BACH2: variants seen among roughly 807,000 people sequenced by gnomAD.
The protein encoded by BACH2 is BACH transcriptional regulator 2, also known as transcription regulator protein BACH2.
In BACH2, 5 loss-of-function variants were observed where a neutral mutation model predicts 61.8. That is an observed-to-expected ratio of 0.08 (90% CI 0.04 to 0.17). BACH2 has a LOEUF of 0.17. BACH2 is among the 10% of genes least tolerant of loss of function. The probability of loss-of-function intolerance (pLI) is 1.00; values close to 1 mark genes in which losing one functional copy is unlikely to be tolerated. For missense variants in BACH2, 824 were observed against 1,091.1 expected, an observed-to-expected ratio of 0.76 and a Z score of 3.45; for synonymous variants, 446 against 440.1, an observed-to-expected ratio of 1.01 and a Z score of -0.17.
At chr6:90,059,286 C>G (rs1476923030) in intron 5 of BACH2, among the ~76,000 whole-genome samples, 2 of 152,188 alleles carry the variant, frequency 1.3e-5, no homozygotes, top group East Asian at 3.8e-4. Flanking sequence ...AAGAAAAAAA[C>G]AAACAACCCC....
chr6:90,029,052 T>C (rs1410175378), intron 5 of BACH2, among the ~76,000 whole-genome samples: 2 of 152,246 alleles, frequency 1.3e-5, no homozygotes, highest in Admixed American at 6.5e-5. Context: ...AGTTTGACAA[T>C]GGCTTGCCTT....
At chr6:90,179,453 A>G (rs1319983984) in intron 4 of BACH2, among the ~76,000 whole-genome samples, 1 of 152,164 alleles carries the variant, frequency 6.6e-6, no homozygotes, top group Admixed American at 6.5e-5. Flanking sequence ...TCTTAACTTG[A>G]TGGATTTGGA....
intron 4 of BACH2, among the ~76,000 whole-genome samples, chr6:90,202,109 C>T (rs1437716985): frequency 1.3e-5 from 2 of 152,174 alleles, no homozygotes; most frequent in Non-Finnish European, 2.9e-5. Context: ...AATACCTTTG[C>T]TACGTTCATA....
At chr6:90,255,131 C>T (rs1770936309) in intron 2 of BACH2, among the ~76,000 whole-genome samples, 1 of 152,142 alleles carries the variant, frequency 6.6e-6, no homozygotes, top group Non-Finnish European at 1.5e-5. Flanking sequence ...TCGGTACAGG[C>T]CTTTCTCCCC....
Position 90,139,901 on chromosome 6 carries a change from C to A in BACH2, c.-161-50792G>T, listed in dbSNP as rs1784408039. ...GTTAAGCCAGACTCCAGCTAATAGACACCCTCCCCAAATCAGGGCTTAAAT... is the reference window on the plus strand; with the variant it reads ...GTTAAGCCAGACTCCAGCTAATAGAAACCCTCCCCAAATCAGGGCTTAAAT... On this transcript the variant is annotated intron_variant, in intron 4 of 8. Coordinates refer to ENST00000257749, the MANE Select transcript of BACH2 (RefSeq NM_021813.4). 2.0e-5 allele frequency among the ~76,000 whole-genome samples: 3 copies of A among 152,318 alleles called. No homozygotes were observed. In the South Asian group the frequency reaches 6.2e-4, roughly 32 times the overall value.
At chr6:90,015,079 G>A (rs1245510684) in intron 5 of BACH2, among the ~76,000 whole-genome samples, 2 of 151,900 alleles carry the variant, frequency 1.3e-5, no homozygotes, top group African/African-American at 4.8e-5. Context: ...ACCACACCCA[G>A]CCCATATATA....
chr6:90,051,643 A>C (rs980090173), intron 5 of BACH2, among the ~76,000 whole-genome samples: 1 of 152,166 alleles, frequency 6.6e-6, no homozygotes, highest in Non-Finnish European at 1.5e-5. Context: ...CATAGTATTT[A>C]CAATTTCAAT....
chr6:90,001,925 C>T (rs143424359), intron 6 of BACH2, among the ~76,000 whole-genome samples: 1 of 152,324 alleles, frequency 6.6e-6, no homozygotes, highest in African/African-American at 2.4e-5. Flanking sequence ...CGTTTCCCTC[C>T]AGCTACTGAT....
chr6:90,151,397 G>A (rs1784807059), intron 4 of BACH2, among the ~76,000 whole-genome samples: 1 of 152,044 alleles, frequency 6.6e-6, no homozygotes, highest in Non-Finnish European at 1.5e-5. Context: ...TGACCCTCCT[G>A]CCTCAGTCTC....
intron 5 of BACH2, among the ~76,000 whole-genome samples, chr6:90,085,149 T>C (rs1016012729): frequency 6.6e-6 from 1 of 152,112 alleles, no homozygotes; most frequent in African/African-American, 2.4e-5. Flanking sequence ...GGTACAATAA[T>C]ACCCATAAGT....
chr6:90,293,728 A>G (rs1478476785), intron 1 of BACH2, among the ~76,000 whole-genome samples: 2 of 152,200 alleles, frequency 1.3e-5, no homozygotes, highest in Non-Finnish European at 1.5e-5. Context: ...ATTACCCTCT[A>G]TCAGGTGGAA....
intron 6 of BACH2, among the ~76,000 whole-genome samples, chr6:89,997,560 C>T (rs964433853): frequency 5.9e-5 from 9 of 152,214 alleles, no homozygotes; most frequent in Non-Finnish European, 1.3e-4. Flanking sequence ...ACAGTGCACA[C>T]ATCAGAACGC....
At chr6:90,167,524 T>C (rs528083130) in intron 4 of BACH2, among the ~76,000 whole-genome samples, 1 of 152,210 alleles carries the variant, frequency 6.6e-6, no homozygotes, top group Non-Finnish European at 1.5e-5. Flanking sequence ...GCCCAGGTAA[T>C]TTTTTATATT....
At chr6:90,019,879 A>G (rs1211360876) in intron 5 of BACH2, among the ~76,000 whole-genome samples, 1 of 152,244 alleles carries the variant, frequency 6.6e-6, no homozygotes, top group Non-Finnish European at 1.5e-5. Context: ...ACAAAGATAC[A>G]GCAACATAAG....
chr6:90,014,709 A>C (rs555978799), intron 5 of BACH2, among the ~76,000 whole-genome samples: 2 of 151,266 alleles, frequency 1.3e-5, no homozygotes, highest in South Asian at 4.2e-4. Context: ...TCTTGACCTC[A>C]TGATCCACCC....
chr6:90,068,326 G>C (rs958853939), intron 5 of BACH2, among the ~76,000 whole-genome samples: 1 of 152,206 alleles, frequency 6.6e-6, no homozygotes, highest in Non-Finnish European at 1.5e-5. Flanking sequence ...ACTGAGTACA[G>C]TAGTGATGAA....
chr6:90,184,274 T>G (rs911124443), intron 4 of BACH2, among the ~76,000 whole-genome samples: 4 of 152,220 alleles, frequency 2.6e-5, no homozygotes, highest in Non-Finnish European at 5.9e-5. Flanking sequence ...TAACATCTCC[T>G]CTTTATCTAG....
intron 3 of BACH2, among the ~76,000 whole-genome samples, chr6:90,244,014 T>TG (rs1235397472): frequency 6.6e-6 from 1 of 152,194 alleles, no homozygotes; most frequent in African/African-American, 2.4e-5. Flanking sequence ...CTCCATCTCC[T>TG]GGGTTCAAAT....
intron 4 of BACH2, among the ~76,000 whole-genome samples, chr6:90,099,468 T>C (rs1782523393): frequency 6.6e-6 from 1 of 152,222 alleles, no homozygotes; most frequent in African/African-American, 2.4e-5. Flanking sequence ...ATCCTCGAAC[T>C]CTTGGGCTCA....
Sources: gnomAD v4.1 joint callset for allele counts (sites outside exome capture counted in the v4.1 genomes callset) on GRCh38, gnomAD v4.1.1 for gene constraint, MANE v1.5 for transcripts, NCBI Gene and HGNC (gene_info 2026-07-23, HGNC 2026-07-21) for gene names.